AGBL1: variants seen among roughly 807,000 people sequenced by gnomAD.
AGBL1 encodes AGBL carboxypeptidase 1.
Under a neutral mutation model 118.9 loss-of-function variants are expected in AGBL1, and 130 were observed. The observed-to-expected ratio is 1.09, with a 90% CI of 0.95 to 1.26. The LOEUF (loss-of-function observed/expected upper bound fraction) is 1.26, where lower values mean the gene tolerates loss of function less well. Ranked by LOEUF, AGBL1 falls within the 50% of genes most tolerant of loss-of-function variation. The pLI is 0.00. For missense variants in AGBL1, 1,584 were observed against 1,298.1 expected (o/e 1.22, Z -3.38); for synonymous variants, 555 against 478.9 (o/e 1.16, Z -2.08).
rs189487052 is a variant in AGBL1 at position 86,290,960 on chromosome 15, G to T, written c.2221-4295G>T. Among the ~76,000 whole-genome samples the T allele has an allele frequency of 1.3e-3, 191 of 151,932 alleles. 4 individuals are homozygous for T. The South Asian group carries it at 0.039, about 31-fold the overall frequency. ...GCGGTGTTTGGTTTTTTGTCCTTGC[G>T]ATAATTTACTGAGAATGATGATTTC... On this transcript the variant is annotated intron_variant, in intron 16 of 22. Transcript: ENST00000614907.
chr15:86,989,951 A>G (rs759808166), intron 24 of AGBL1, among the ~76,000 whole-genome samples: 12 of 152,216 alleles, frequency 7.9e-5, no homozygotes, highest in Non-Finnish European at 1.6e-4. Context: ...GTGGGGTTCT[A>G]TAAAGTCAAA....
intron 22 of AGBL1, among the ~76,000 whole-genome samples, chr15:86,887,341 C>A (rs967504618): frequency 6.6e-6 from 1 of 152,144 alleles, no homozygotes; most frequent in Non-Finnish European, 1.5e-5. Flanking sequence ...TTATAGACCT[C>A]AATTCTAAGG....
intron 17 of AGBL1, among the ~76,000 whole-genome samples, chr15:86,374,860 C>T (rs1315086356): frequency 6.6e-6 from 1 of 152,202 alleles, no homozygotes; most frequent in African/African-American, 2.4e-5. Context: ...CTATTCCCAG[C>T]CTCAGTATTC....
chr15:86,253,246 CTTT>C (rs1336726601), intron 7 of AGBL1, among the ~76,000 whole-genome samples: 2 of 151,998 alleles, frequency 1.3e-5, no homozygotes, highest in African/African-American at 4.8e-5. Context: ...CTTCCATCAA[CTTT>C]TTTTTGTTTG....
intron 18 of AGBL1, among the ~76,000 whole-genome samples, chr15:86,468,092 G>T (rs2082429783): frequency 6.6e-6 from 1 of 152,090 alleles, no homozygotes; most frequent in Admixed American, 6.6e-5. Flanking sequence ...AGACATGCAA[G>T]TATATAATGA....
In AGBL1 at chr15:86,623,335, T is replaced by C. The variant is rs1050862390; in HGVS notation, c.2995-50938T>C. Among the ~76,000 whole-genome samples the C allele has an allele frequency of 6.6e-5, 10 of 152,296 alleles. 1 individual carries two copies. In the East Asian group the frequency reaches 1.7e-3, roughly 26 times the overall value. Reference sequence around the variant, plus strand: ...ATCATAAATGCTGGATGGGATCCAGTGTGGCTGGCAGAGCACAGGGTTTGA... The same window carrying C: ...ATCATAAATGCTGGATGGGATCCAGCGTGGCTGGCAGAGCACAGGGTTTGA... On this transcript the variant is annotated intron_variant, in intron 21 of 22. Coordinates refer to ENST00000614907, the MANE Select transcript of AGBL1 (RefSeq NM_001386094.1).
At chr15:86,416,965 T>A (rs1191353103) in intron 18 of AGBL1, among the ~76,000 whole-genome samples, 1 of 152,228 alleles carries the variant, frequency 6.6e-6, no homozygotes, top group Non-Finnish European at 1.5e-5. Context: ...TTATCCCTAT[T>A]ATTCCACAGA....
intron 21 of AGBL1, among the ~76,000 whole-genome samples, chr15:86,629,751 C>A (rs918171641): frequency 6.6e-5 from 10 of 150,902 alleles, no homozygotes; most frequent in Non-Finnish European, 1.2e-4. Context: ...GGAAAAAAAA[C>A]CCTCTCAGAA....
intron 24 of AGBL1, among the ~76,000 whole-genome samples, chr15:87,017,762 T>G (rs2081621899): frequency 6.6e-6 from 1 of 151,960 alleles, no homozygotes; most frequent in African/African-American, 2.4e-5. Context: ...TTGCAGCATC[T>G]CTCCAGGAAG....
At chr15:86,679,925 A>AT (rs1015034627) in intron 22 of AGBL1, among the ~76,000 whole-genome samples, 1 of 152,114 alleles carries the variant, frequency 6.6e-6, no homozygotes, top group Non-Finnish European at 1.5e-5. Flanking sequence ...AGAGATTGAT[A>AT]TTACCTACTG....
chr15:86,347,473 T>A (rs908357386), intron 17 of AGBL1, among the ~76,000 whole-genome samples: 1 of 152,216 alleles, frequency 6.6e-6, no homozygotes, highest in East Asian at 1.9e-4. Context: ...TTGTTTTGGG[T>A]TCACAGAGAC....
intron 1 of AGBL1, chr15:86,107,582 C>T (rs1897125098): frequency 6.6e-6 from 1 of 152,232 alleles, no homozygotes; most frequent in African/African-American, 2.4e-5. Context: ...TCTCTCCATT[C>T]TACCAAAATG....
intron 23 of AGBL1, among the ~76,000 whole-genome samples, chr15:86,975,188 C>G (rs1378972428): frequency 1.3e-5 from 2 of 151,684 alleles, no homozygotes; most frequent in African/African-American, 4.8e-5. Flanking sequence ...CTAATAATGA[C>G]ATACCGGAGA....
intron 5 of AGBL1, among the ~76,000 whole-genome samples, chr15:86,221,775 CTT>C (rs2078284391): frequency 6.6e-6 from 1 of 151,778 alleles, no homozygotes; most frequent in African/African-American, 2.4e-5. Context: ...AAGGAAAGCA[CTT>C]ATATCACATT....
chr15:86,154,632 G>C, intron 4 of AGBL1, 71 bp downstream of exon 4: 1 of 1,505,554 alleles, frequency 6.6e-7, no homozygotes, highest in Non-Finnish European at 8.9e-7. Context: ...AACTGCATGA[G>C]GGTCTGGTTG....
chr15:86,691,355 T>C (rs1255396170), intron 22 of AGBL1, among the ~76,000 whole-genome samples: 1 of 152,188 alleles, frequency 6.6e-6, no homozygotes, highest in Non-Finnish European at 1.5e-5. Context: ...CATGTGTTTT[T>C]AAATCTTCCA....
intron 20 of AGBL1, among the ~76,000 whole-genome samples, chr15:86,547,324 G>A (rs1322106948): frequency 6.6e-6 from 1 of 152,014 alleles, no homozygotes; most frequent in African/African-American, 2.4e-5. Flanking sequence ...ATCTACCATG[G>A]TCCAATCTTA....
At chr15:86,664,845 T>C (rs117152522) in intron 21 of AGBL1, among the ~76,000 whole-genome samples, 1,828 of 127,008 alleles carry the variant, frequency 0.014, 28 homozygotes, top group East Asian at 0.14. Flanking sequence ...TAAAATCACA[T>C]ATTACATAAA....
chr15:86,950,089 A>T (rs554968763), intron 23 of AGBL1, among the ~76,000 whole-genome samples: 252 of 152,154 alleles, frequency 1.7e-3, no homozygotes, highest in African/African-American at 5.7e-3. Flanking sequence ...ATTTTGAACT[A>T]AAAGACCAAA....
Sources: gnomAD v4.1 joint callset for allele counts (sites outside exome capture counted in the v4.1 genomes callset) on GRCh38, gnomAD v4.1.1 for gene constraint, MANE v1.5 for transcripts, NCBI Gene and HGNC (gene_info 2026-07-23, HGNC 2026-07-21) for gene names.